XKR5: variants seen among roughly 807,000 people sequenced by gnomAD.
The protein encoded by XKR5 is XK related 5, also known as XK-related protein 5.
In XKR5, 46 loss-of-function variants were observed where a neutral mutation model predicts 40.8. That is an observed-to-expected ratio of 1.13 (90% CI 0.89 to 1.44). The LOEUF (loss-of-function observed/expected upper bound fraction) is 1.44. Ranked by LOEUF, XKR5 falls within the 40% of genes most tolerant of loss-of-function variation. The pLI is 0.00. For synonymous variants in XKR5, 466 were observed against 356.1 expected, an observed-to-expected ratio of 1.31 and a Z score of -3.48; for missense variants, 1,169 against 844.7, an observed-to-expected ratio of 1.38 and a Z score of -4.76.
At chr8:6,814,185 A>G (rs1287919858) in intron 6 of XKR5, among the ~76,000 whole-genome samples, 1 of 152,166 alleles carries the variant, frequency 6.6e-6, no homozygotes, top group African/African-American at 2.4e-5. Flanking sequence ...ATCCACACAC[A>G]CAGCTTAGAA....
In XKR5 at chr8:6,808,695, T is replaced by G. The variant is rs918333434; in HGVS notation, c.*2503A>C. 6.6e-6 allele frequency: 1 copy of G among 152,188 alleles called. No individual in the cohort carries two copies. The allele number at this position is 152,188 out of a possible 1,614,324, so 9.4% of individuals were successfully genotyped here. A position where few individuals can be genotyped will look rare whatever the true frequency, so the allele number is the denominator to read the frequency against. ...AGTACATGCCTTGATTTCTGCATAC[T>G]CAGTGCCTGTCATACTCAACTAATA... On this transcript the variant is annotated 3_prime_UTR_variant, in exon 7 of 7. Coordinates refer to ENST00000618742, the MANE Select transcript of XKR5 (RefSeq NM_207411.5).
chr8:6,809,887 G>C lies in XKR5; in HGVS notation c.*1311C>G, dbSNP rs1342884974. 5 of 152,464 alleles carry C rather than the reference G, an allele frequency of 3.3e-5. No individual in the cohort carries two copies. The East Asian group carries it at 9.7e-4, about 29-fold the overall frequency. 9.4% of individuals were successfully genotyped at this position (152,464 alleles called of 1,614,324 possible). On this transcript the variant is annotated 3_prime_UTR_variant, in exon 7 of 7. Coordinates refer to ENST00000618742, the MANE Select transcript of XKR5 (RefSeq NM_207411.5). The stretch of plus-strand genomic sequence containing the variant: ...GCACTTTGGGAGGCCGAGATGGGCA[G>C]ATCGCTTGAGCTCAGGAGTTGGAGA...
At chr8:6,835,298 C>G (rs1804963181) in intron 1 of XKR5, 138 bp downstream of exon 1, 1 of 858,246 alleles carries the variant, frequency 1.2e-6, no homozygotes. Context: ...ATGGCCACCA[C>G]CGTGCGTCAC....
At chr8:6,812,459 G>C (rs1249886191) in intron 6 of XKR5, 120 bp from the exon 7 acceptor site, 37 of 1,066,670 alleles carry the variant, frequency 3.5e-5, no homozygotes, top group South Asian at 1.2e-4. Flanking sequence ...ATCCAAAATA[G>C]GACTCTTGTT....
intron 5 of XKR5, among the ~76,000 whole-genome samples, chr8:6,818,439 C>T (rs1804067146): frequency 2.0e-5 from 3 of 152,226 alleles, no homozygotes; most frequent in Non-Finnish European, 2.9e-5. Flanking sequence ...GAGACATGAC[C>T]CTCTCACACT....
rs1436025993 is a variant in XKR5, at chr8:6,810,866, C to T, written c.*332G>A. 1 of 198,974 alleles carries T rather than the reference C, an allele frequency of 5.0e-6. No homozygotes were observed. Among genetic ancestry groups the T allele is most frequent in the African/African-American group, 2.3e-5 (1 of 43,214 alleles). 12.3% of individuals were successfully genotyped at this position (198,974 alleles called of 1,614,324 possible). A position where few individuals can be genotyped will look rare whatever the true frequency, so the allele number is the denominator to read the frequency against. ...AAATAAAATAGGAATCTGGGTTTTA[C>T]CTTTGTGTTTCCTAGAAGCCACAGC... On this transcript the variant is annotated 3_prime_UTR_variant, in exon 7 of 7. Transcript: ENST00000618742.
chr8:6,820,529 C>G (rs181542566), intron 5 of XKR5, among the ~76,000 whole-genome samples: 2 of 152,158 alleles, frequency 1.3e-5, no homozygotes, highest in South Asian at 2.1e-4. Flanking sequence ...CATTGGCAGG[C>G]GGGGTGTCCA....
chr8:6,818,735 A>C (rs765062130), intron 5 of XKR5, among the ~76,000 whole-genome samples: 1 of 152,048 alleles, frequency 6.6e-6, no homozygotes, highest in Non-Finnish European at 1.5e-5. Flanking sequence ...CACTTTATAA[A>C]AGCTCCCCTG....
rs925834745 is a variant in XKR5, at chr8:6,809,585, G to C, written c.*1613C>G. 2 of 152,082 alleles carry C rather than the reference G, an allele frequency of 1.3e-5. No homozygotes were observed. Among genetic ancestry groups the C allele is most frequent in the Non-Finnish European group, 2.9e-5 (2 of 68,028 alleles). The allele number at this position is 152,082 out of a possible 1,614,324, so 9.4% of individuals were successfully genotyped here. ...ATTACCGGTGTGAGCCCCTGCATCC[G>C]ACCCAAAGTCTCGTTATCTTCACCT... On this transcript the variant is annotated 3_prime_UTR_variant, in exon 7 of 7. Coordinates refer to ENST00000618742, the MANE Select transcript of XKR5 (RefSeq NM_207411.5).
chr8:6,812,578 T>C (rs1465122673), intron 6 of XKR5, among the ~76,000 whole-genome samples: 1 of 152,236 alleles, frequency 6.6e-6, no homozygotes, highest in East Asian at 1.9e-4. Flanking sequence ...ATCCGATTGA[T>C]TCTATGCTTT....
At chr8:6,826,574 C>T (rs571758416) in intron 2 of XKR5, among the ~76,000 whole-genome samples, 18 of 152,194 alleles carry the variant, frequency 1.2e-4, no homozygotes, top group Non-Finnish European at 2.5e-4. Flanking sequence ...AATGGTGGTG[C>T]TACCGACGGA....
At chr8:6,825,762 C>G (rs986927074) in intron 2 of XKR5, among the ~76,000 whole-genome samples, 1 of 152,186 alleles carries the variant, frequency 6.6e-6, no homozygotes, top group East Asian at 1.9e-4. Context: ...GTGTTATCAT[C>G]TCTTTGAAGG....
At chr8:6,821,162 C>A (rs778638055) in intron 5 of XKR5, among the ~76,000 whole-genome samples, 1 of 151,738 alleles carries the variant, frequency 6.6e-6, no homozygotes, top group African/African-American at 2.4e-5. Context: ...GGCTCCAGTG[C>A]AAGTTTTTTC....
chr8:6,809,429 C>G lies in XKR5; in HGVS notation c.*1769G>C. ...TCAGCCTCTCGAGCAGCTGGGACTA[C>G]AGGTGTGTGCCACCACACCAGGATA... On this transcript the variant is annotated 3_prime_UTR_variant, in exon 7 of 7. Transcript: ENST00000618742. The G allele has an allele frequency of 6.6e-6, 1 of 152,184 alleles. No homozygotes were observed. The highest frequency in any genetic ancestry group is 1.9e-4 in the East Asian group (1 of 5,186). The allele number at this position is 152,184 out of a possible 1,614,324, so 9.4% of individuals were successfully genotyped here.
intron 4 of XKR5, among the ~76,000 whole-genome samples, chr8:6,823,126 G>C (rs889142203): frequency 6.6e-6 from 1 of 152,194 alleles, no homozygotes; most frequent in Non-Finnish European, 1.5e-5. Context: ...CAGCCAGCAC[G>C]CGTTCCTTCC....
rs139813659 is a variant in XKR5 at position 6,833,801 on chromosome 8, G to C, written c.59-901C>G. On this transcript the variant is annotated intron_variant, in intron 1 of 6. Coordinates refer to ENST00000618742, the MANE Select transcript of XKR5 (RefSeq NM_207411.5). ...TAGGAGCAGGCTGGGAGCCAGCAGA[G>C]CCTCTGGCAACAGGGACAGGCATTC... Among the ~76,000 whole-genome samples the C allele has an allele frequency of 6.0e-3, 917 of 152,322 alleles. 3 individuals are homozygous for C. The highest frequency in any genetic ancestry group is 0.01 in the Non-Finnish European group (696 of 68,032).
At chr8:6,834,010 C>G (rs1195029529) in intron 1 of XKR5, among the ~76,000 whole-genome samples, 1 of 152,190 alleles carries the variant, frequency 6.6e-6, no homozygotes, top group South Asian at 2.1e-4. Flanking sequence ...TAACTCCGCA[C>G]TACGAAACCG....
At position 6,820,167 on chromosome 8, in the gene XKR5, C is replaced by T. The variant is rs13248082; in HGVS notation, c.807+1702G>A. On this transcript the variant is annotated intron_variant, in intron 5 of 6. Coordinates refer to ENST00000618742, the MANE Select transcript of XKR5 (RefSeq NM_207411.5). ...CTGGTCGGGCAGCAAGGCCTAAAGC[C>T]CATGTTCCCCATCACATGCTGTAGG... Among the ~76,000 whole-genome samples the T allele has an allele frequency of 5.7e-3, 861 of 152,364 alleles. 4 individuals carry two copies. The highest frequency in any genetic ancestry group is 8.9e-3 in the Non-Finnish European group (604 of 68,042).
intron 5 of XKR5, among the ~76,000 whole-genome samples, chr8:6,818,944 AG>A (rs1563352411): frequency 6.6e-6 from 1 of 152,212 alleles, no homozygotes; most frequent in South Asian, 2.1e-4. Context: ...CGGGAGGCTG[AG>A]GTGGGAGGAT....
Sources: gnomAD v4.1 joint callset for allele counts (sites outside exome capture counted in the v4.1 genomes callset) on GRCh38, gnomAD v4.1.1 for gene constraint, MANE v1.5 for transcripts, NCBI Gene and HGNC (gene_info 2026-07-23, HGNC 2026-07-21) for gene names.